SOD2: variants seen among roughly 807,000 people sequenced by gnomAD.
SOD2 encodes the protein superoxide dismutase 2, also known as superoxide dismutase [Mn], mitochondrial.
SOD2 carries 11 observed loss-of-function variants against 27.0 expected under a neutral mutation model. The ratio of observed to expected loss-of-function variants is 0.41; its 90% CI spans 0.26 to 0.67. SOD2 has a LOEUF of 0.67. SOD2 is among the 30% of genes least tolerant of loss of function. SOD2 has a pLI of 0.34. For missense variants in SOD2, 250 were observed against 274.5 expected, an observed-to-expected ratio of 0.91 and a Z score of 0.63; for synonymous variants, 105 against 103.0, an observed-to-expected ratio of 1.02 and a Z score of -0.12.
chr6:159,726,757 A>T (rs955240175), intron 1 of SOD2: 1 of 1,286,542 alleles, frequency 7.8e-7, no homozygotes, highest in Non-Finnish European at 1.0e-6. Flanking sequence ...ATGCGTCTCC[A>T]GAGATGTCAA....
At chr6:159,685,517 C>A (rs951782051) in intron 3 of SOD2, among the ~76,000 whole-genome samples, 1 of 152,136 alleles carries the variant, frequency 6.6e-6, no homozygotes, top group Non-Finnish European at 1.5e-5. Flanking sequence ...GCTGGGAATA[C>A]AGGCGTGAGC....
chr6:159,709,219 G>A (rs932665234), intron 1 of SOD2, among the ~76,000 whole-genome samples: 6 of 152,162 alleles, frequency 3.9e-5, no homozygotes, highest in African/African-American at 1.4e-4. Context: ...AGGACTTCAT[G>A]ACTAAAACAC....
At chr6:159,715,903 G>GAA (rs36055546) in intron 1 of SOD2, among the ~76,000 whole-genome samples, 6 of 128,692 alleles carry the variant, frequency 4.7e-5, no homozygotes, top group African/African-American at 1.8e-4. Flanking sequence ...CTGTCTCAAG[G>GAA]AAAAAAAAAA....
intron 1 of SOD2, among the ~76,000 whole-genome samples, chr6:159,705,811 A>C (rs1372653134): frequency 2.7e-3 from 350 of 130,844 alleles, no homozygotes; most frequent in Admixed American, 5.9e-3. Context: ...AAGACACATA[A>C]TTGTCAGATT....
At chr6:159,753,852 T>C (rs1583109834) in intron 1 of SOD2, among the ~76,000 whole-genome samples, 2 of 152,338 alleles carry the variant, frequency 1.3e-5, no homozygotes, top group South Asian at 2.1e-4. Flanking sequence ...TTTTTGTTTT[T>C]AGTTGGGGGT....
At chr6:159,753,565 G>T (rs781526385) in intron 1 of SOD2, 2 of 1,614,186 alleles carry the variant, frequency 1.2e-6, no homozygotes, top group Non-Finnish European at 1.7e-6. Context: ...TTGAAGCAGA[G>T]TTGGCTTTAC....
intron 1 of SOD2, among the ~76,000 whole-genome samples, chr6:159,709,549 A>T (rs1583035260): frequency 6.6e-6 from 1 of 152,340 alleles, no homozygotes; most frequent in East Asian, 1.9e-4. Flanking sequence ...GAGAAATGCA[A>T]ATCAAAAGCA....
intron 1 of SOD2, among the ~76,000 whole-genome samples, chr6:159,698,642 T>C (rs1777472653): frequency 6.8e-6 from 1 of 146,370 alleles, no homozygotes; most frequent in African/African-American, 2.5e-5. Context: ...AAAAGAAATC[T>C]GACTGTAACT....
chr6:159,704,900 A>G (rs1247070280), intron 1 of SOD2, among the ~76,000 whole-genome samples: 1 of 152,174 alleles, frequency 6.6e-6, no homozygotes, highest in Non-Finnish European at 1.5e-5. Flanking sequence ...GACACCTCAC[A>G]TGGCCAGGTA....
Position 159,711,670 on chromosome 6 carries a change from T to A in SOD2, c.-116+15459A>T, listed in dbSNP as rs1310516656. On this transcript the variant is annotated intron_variant, in intron 1 of 2. Transcript: ENST00000401980. ...TCCAATACCACCACTCACATTGCTC[T>A]GATCACCATAACCACCTCCATAACC... 1.1e-4 allele frequency among the ~76,000 whole-genome samples: 8 copies of A among 72,358 alleles called. 1 individual carries two copies. 47.5% of individuals were successfully genotyped at this position (72,358 alleles called of 152,430 possible).
At position 159,693,187 on chromosome 6, in the gene SOD2, C is replaced by T. The variant is rs539994352; in HGVS notation, c.-20G>A. On this transcript the variant is annotated 5_prime_UTR_variant, in exon 1 of 5. Coordinates refer to ENST00000538183, the MANE Select transcript of SOD2 (RefSeq NM_000636.4). Reference sequence around the variant, plus strand: ...CAACATGCTGCTAGTGCTGGTGCTACCGCTGATGCCGCCGATCTGCTGAAG... The same window carrying T: ...CAACATGCTGCTAGTGCTGGTGCTATCGCTGATGCCGCCGATCTGCTGAAG... 7.2e-6 allele frequency: 11 copies of T among 1,522,342 alleles called. No individual in the cohort carries two copies. The South Asian group carries it at 1.2e-4, about 17-fold the overall frequency. The allele number at this position is 1,522,342 out of a possible 1,614,324, so 94.3% of individuals were successfully genotyped here. A position where few individuals can be genotyped will look rare whatever the true frequency, so the allele number is the denominator to read the frequency against.
intron 1 of SOD2, among the ~76,000 whole-genome samples, chr6:159,709,682 G>C (rs1028906943): frequency 1.3e-5 from 2 of 152,130 alleles, no homozygotes; most frequent in Non-Finnish European, 1.5e-5. Context: ...CTGTAAACTA[G>C]TTCAACCATT....
intron 2 of SOD2, among the ~76,000 whole-genome samples, chr6:159,689,450 T>C (rs1340564082): frequency 6.6e-6 from 1 of 152,174 alleles, no homozygotes; most frequent in African/African-American, 2.4e-5. Context: ...AATAAAATAG[T>C]CTTTTCTATG....
chr6:159,733,777 G>A (rs545648066), intron 1 of SOD2, among the ~76,000 whole-genome samples: 11 of 152,230 alleles, frequency 7.2e-5, no homozygotes, highest in African/African-American at 2.4e-4. Flanking sequence ...TTAGCCGGGC[G>A]TGGTGGCGCA....
chr6:159,712,798 G>A, intron 1 of SOD2: 1 of 536,994 alleles, frequency 1.9e-6, no homozygotes, highest in South Asian at 1.5e-5. Flanking sequence ...GACTGGTTGG[G>A]TAAGCCCATC....
At position 159,673,297 on chromosome 6, in the gene SOD2, T is replaced by C. The variant is rs1383406579; in HGVS notation, c.*9196A>G. 3.3e-5 allele frequency: 5 copies of C among 152,176 alleles called. No individual in the cohort carries two copies. Among genetic ancestry groups the C allele is most frequent in the African/African-American group, 1.2e-4 (5 of 41,446 alleles). 9.4% of individuals were successfully genotyped at this position (152,176 alleles called of 1,614,324 possible). ...CCACCCCAAATCAACAGAATATACA[T>C]TCTTCTCAGCACCACATCGCACCTA... On this transcript the variant is annotated 3_prime_UTR_variant, in exon 5 of 5. Coordinates refer to ENST00000538183, the MANE Select transcript of SOD2 (RefSeq NM_000636.4).
chr6:159,710,835 T>A, intron 1 of SOD2, among the ~76,000 whole-genome samples: 1 of 150,424 alleles, frequency 6.6e-6, no homozygotes, highest in Non-Finnish European at 1.5e-5. Context: ...CACATTGCTC[T>A]GATCACCATA....
At chr6:159,727,515 C>T (rs1484213991), upstream of SOD2, 10 of 992,296 alleles carry the variant, frequency 1.0e-5, no homozygotes, top group Non-Finnish European at 1.2e-5. Context: ...CCTCCCTCAG[C>T]GCCATTTTGT....
At chr6:159,686,004 T>C (rs139335726) in intron 3 of SOD2, among the ~76,000 whole-genome samples, 2 of 152,316 alleles carry the variant, frequency 1.3e-5, no homozygotes, top group Non-Finnish European at 2.9e-5. Context: ...AATAAAGTCA[T>C]TGTTCTTCTC....
Sources: allele counts gnomAD v4.1 joint callset (sites outside exome capture counted in the v4.1 genomes callset), GRCh38; gene constraint gnomAD v4.1.1; transcripts MANE v1.5; gene names NCBI Gene and HGNC (gene_info 2026-07-23, HGNC 2026-07-21).